Variants in P4HA1 observed in about 807,000 individuals in gnomAD.
P4HA1 encodes the protein prolyl 4-hydroxylase subunit alpha-1.
In P4HA1, 24 loss-of-function variants were observed where a neutral mutation model predicts 72.8. The ratio of observed to expected loss-of-function variants is 0.33; its 90% CI spans 0.24 to 0.46. The LOEUF is 0.46. P4HA1 is among the 20% of genes least tolerant of loss of function. The pLI is 1.00. For missense variants in P4HA1, 446 were observed against 640.6 expected (o/e 0.70, Z 3.28); for synonymous variants, 201 against 218.8 (o/e 0.92, Z 0.72).
intron 9 of P4HA1, among the ~76,000 whole-genome samples, chr10:73,031,739 G>A (rs1431688794): frequency 6.6e-6 from 1 of 152,060 alleles, no homozygotes; most frequent in African/African-American, 2.4e-5. Flanking sequence ...GTTGCACAAG[G>A]CTAAAAACCA....
rs762937946 is a variant in P4HA1 at position 73,014,277 on chromosome 10, C to A, written c.1315G>T (p.Asp439Tyr). The A allele has an allele frequency of 1.9e-6, 3 of 1,612,322 alleles. No homozygotes were observed. In the South Asian group the frequency reaches 3.3e-5, roughly 18 times the overall value. The change falls in exon 12 of 15, where the codon GAT (aspartate) becomes TAT (tyrosine). Residue 439 changes from aspartate (D) to tyrosine (Y), a missense_variant. Physicochemically the swap from Asp to Tyr is radical, Grantham distance 160 (BLOSUM62 -3). Coordinates refer to ENST00000394890, the MANE Select transcript of P4HA1 (RefSeq NM_001017962.3). ...CCTGTCCCCAGCTCTTTGAAAGCAT[C>A]TGGCTCATCTTTCTGTGAATAAAAA... ...HFDFARKDEP[D>Y]AFKELGTGNR... is the part of the protein sequence containing the mutation.
chr10:73,075,653 T>G (rs2133139097), intron 1 of P4HA1, among the ~76,000 whole-genome samples: 1 of 152,162 alleles, frequency 6.6e-6, no homozygotes, highest in Admixed American at 6.5e-5. Context: ...AGAATACATT[T>G]TAAAGGAAAA....
intron 5 of P4HA1, among the ~76,000 whole-genome samples, chr10:73,061,421 T>C (rs551860742): frequency 2.7e-5 from 4 of 149,478 alleles, no homozygotes; most frequent in Admixed American, 2.0e-4. Flanking sequence ...ACCAATGTCA[T>C]AAAGAGAAAG....
At position 73,035,617 on chromosome 10, in the gene P4HA1, TTC is replaced by T. The variant is rs1002945700; in HGVS notation, c.1149-5249_1149-5248del. Among the ~76,000 whole-genome samples the T allele has an allele frequency of 7.2e-4, 110 of 152,344 alleles. 1 individual carries two copies. Among genetic ancestry groups the T allele is most frequent in the Middle Eastern group, 3.4e-3 (1 of 294 alleles). On this transcript the variant is annotated intron_variant, in intron 9 of 14. Transcript: ENST00000394890. ...TTAAATAATAGGTTATTTCTAATTT[TTC>T]TCTGTTATAAACAATATTGTAACAA...
chr10:73,075,742 A>AGTGT (rs531577086), intron 1 of P4HA1, among the ~76,000 whole-genome samples: 6,452 of 147,760 alleles, frequency 0.044, 431 homozygotes, highest in African/African-American at 0.15. Flanking sequence ...ATATATATAT[A>AGTGT]GTGTGTGTGT....
chr10:73,043,755 G>A, intron 9 of P4HA1: 1 of 736,220 alleles, frequency 1.4e-6, no homozygotes, highest in Non-Finnish European at 2.4e-6. Context: ...GAAAACTCCA[G>A]CACAGATATT....
intron 10 of P4HA1, among the ~76,000 whole-genome samples, chr10:73,018,970 T>C (rs559738726): frequency 7.0e-4 from 107 of 152,194 alleles, no homozygotes; most frequent in African/African-American, 2.3e-3. Context: ...CCTAGCCCCA[T>C]AGCCACTCCA....
intron 1 of P4HA1, among the ~76,000 whole-genome samples, chr10:73,079,113 A>G (rs1473202576): frequency 1.3e-5 from 2 of 152,216 alleles, no homozygotes; most frequent in African/African-American, 4.8e-5. Flanking sequence ...AGCATGTTCC[A>G]TCTTGTAGTT....
At chr10:73,036,267 A>T (rs79289347) in intron 9 of P4HA1, among the ~76,000 whole-genome samples, 1 of 151,630 alleles carries the variant, frequency 6.6e-6, no homozygotes, top group Admixed American at 6.6e-5. Context: ...TAAAAAAAAA[A>T]TAACTGTCAA....
chr10:73,044,827 C>G (rs1840815687), intron 9 of P4HA1, among the ~76,000 whole-genome samples, 154 bp downstream of exon 9: 1 of 152,140 alleles, frequency 6.6e-6, no homozygotes, highest in African/African-American at 2.4e-5. Context: ...CTGTGAAACA[C>G]AAAGCAGTTT....
At chr10:73,040,704 C>T (rs1840711139) in intron 9 of P4HA1, among the ~76,000 whole-genome samples, 1 of 151,656 alleles carries the variant, frequency 6.6e-6, no homozygotes, top group African/African-American at 2.4e-5. Context: ...GATCTCCTGA[C>T]CTTGTGATCC....
chr10:73,014,144 A>G (rs1839966915), intron 12 of P4HA1, 80 bp downstream of exon 12: 1 of 956,232 alleles, frequency 1.0e-6, no homozygotes, highest in Non-Finnish European at 1.7e-6. Flanking sequence ...AATCAGAGCT[A>G]CACAGAACAA....
chr10:73,043,958 C>G, intron 9 of P4HA1: 6 of 1,609,536 alleles, frequency 3.7e-6, no homozygotes, highest in Non-Finnish European at 5.1e-6. Flanking sequence ...CTCGGCTCAG[C>G]TACAAAAAAA....
At chr10:73,094,471 T>C (rs148058926) in intron 1 of P4HA1, among the ~76,000 whole-genome samples, 1 of 152,334 alleles carries the variant, frequency 6.6e-6, no homozygotes, top group East Asian at 1.9e-4. Flanking sequence ...ACCACACCTT[T>C]CATCAGATTC....
chr10:73,057,864 C>T (rs760066986), intron 5 of P4HA1, among the ~76,000 whole-genome samples: 1 of 151,826 alleles, frequency 6.6e-6, no homozygotes, highest in Non-Finnish European at 1.5e-5. Flanking sequence ...GGGAGGCAGA[C>T]GGACTACTTG....
rs758996193 is a variant in P4HA1, at chr10:73,074,926, AAG to A, written c.-32-13_-32-12del. The A allele has an allele frequency of 6.9e-6, 6 of 864,158 alleles. No homozygotes were observed. Among genetic ancestry groups the A allele is most frequent in the Non-Finnish European group, 1.1e-5 (6 of 523,796 alleles). 53.5% of individuals were successfully genotyped at this position (864,158 alleles called of 1,614,324 possible). A position where few individuals can be genotyped will look rare whatever the true frequency, so the allele number is the denominator to read the frequency against. ...TACAGGATCACACACCTACAAAAGA[AAG>A]AGAGAAATGCAGCCATTACTTAAAA... On this transcript the variant is annotated splice_polypyrimidine_tract_variant and intron_variant, in intron 1 of 14. Coordinates refer to ENST00000394890, the MANE Select transcript of P4HA1 (RefSeq NM_001017962.3).
intron 9 of P4HA1, among the ~76,000 whole-genome samples, chr10:73,037,515 T>A (rs1400279713): frequency 9.7e-6 from 1 of 103,410 alleles, no homozygotes; most frequent in African/African-American, 3.7e-5. Context: ...GATTAGCTAA[T>A]CGAAAACCAC....
chr10:73,063,835 G>A (rs1379650890), intron 5 of P4HA1, among the ~76,000 whole-genome samples: 1 of 152,110 alleles, frequency 6.6e-6, no homozygotes, highest in East Asian at 1.9e-4. Flanking sequence ...AATATTAAAG[G>A]CAGACTGCCT....
intron 5 of P4HA1, among the ~76,000 whole-genome samples, chr10:73,057,838 G>A (rs1841188006): frequency 6.6e-6 from 1 of 152,040 alleles, no homozygotes; most frequent in African/African-American, 2.4e-5. Context: ...GCTCACACCG[G>A]TAATTTGAGC....
Sources: gnomAD v4.1 joint callset for allele counts (sites outside exome capture counted in the v4.1 genomes callset) on GRCh38, gnomAD v4.1.1 for gene constraint, MANE v1.5 for transcripts, NCBI Gene and HGNC (gene_info 2026-07-23, HGNC 2026-07-21) for gene names.